The following CXCL13 variants were observed in gnomAD, a reference collection of about 807,000 sequenced individuals.
CXCL13 encodes C-X-C motif chemokine ligand 13.
Under a neutral mutation model 12.2 loss-of-function variants are expected in CXCL13, and 7 were observed. The observed-to-expected ratio is 0.57, with a 90% CI of 0.33 to 1.07. The LOEUF is 1.07. Ranked by LOEUF, CXCL13 falls within the 50% of genes least tolerant of loss-of-function variation. The pLI is 0.04. For synonymous variants in CXCL13, 47 were observed against 42.4 expected (o/e 1.11, Z -0.42); for missense variants, 113 against 127.4 (o/e 0.89, Z 0.55).
At chr4:77,549,624 AG>A in intron 1 of CXCL13, among the ~76,000 whole-genome samples, 1 of 152,272 alleles carries the variant, frequency 6.6e-6, no homozygotes, top group South Asian at 2.1e-4. Flanking sequence ...AGTTTGCTGG[AG>A]GTCCACTTGA....
At chr4:77,561,337 G>A (rs562896865) in intron 1 of CXCL13, among the ~76,000 whole-genome samples, 2 of 152,274 alleles carry the variant, frequency 1.3e-5, no homozygotes, top group East Asian at 3.9e-4. Context: ...CAATATTTAA[G>A]TTTGAGAAGT....
At chr4:77,584,500 T>C (rs1463670398) in intron 1 of CXCL13, among the ~76,000 whole-genome samples, 1 of 152,230 alleles carries the variant, frequency 6.6e-6, no homozygotes, top group Non-Finnish European at 1.5e-5. Flanking sequence ...GAAAATAATC[T>C]CAACATTTGA....
chr4:77,606,343 C>T (rs747527125), intron 1 of CXCL13, among the ~76,000 whole-genome samples: 21 of 152,154 alleles, frequency 1.4e-4, no homozygotes, highest in Non-Finnish European at 2.6e-4. Flanking sequence ...TCATGTAACT[C>T]CAAATGGTTA....
chr4:77,533,388 T>C (rs923354035), intron 1 of CXCL13, among the ~76,000 whole-genome samples: 1 of 152,190 alleles, frequency 6.6e-6, no homozygotes, highest in African/African-American at 2.4e-5. Context: ...TGATCGTTCC[T>C]CTGGAAGTTT....
Position 77,611,157 on chromosome 4 carries a change from A to G in CXCL13, c.*118A>G, listed in dbSNP as rs1727143568. ...GAACTTCCCCATACAAATAAGCATG[A>G]GACTATGTAAAAATAACCTTGCAGA... On this transcript the variant is annotated 3_prime_UTR_variant, in exon 4 of 4. Transcript: ENST00000682537. 7 of 850,914 alleles carry G rather than the reference A, an allele frequency of 8.2e-6. No homozygotes were observed. The highest frequency in any genetic ancestry group is 1.1e-5 in the Non-Finnish European group (6 of 540,970). 52.7% of individuals were successfully genotyped at this position (850,914 alleles called of 1,614,324 possible).
Position 77,609,175 on chromosome 4 carries a change from T to G in CXCL13, c.197+1340T>G, listed in dbSNP as rs146015435. On this transcript the variant is annotated intron_variant, in intron 2 of 3. Coordinates refer to ENST00000682537, the MANE Select transcript of CXCL13 (RefSeq NM_001371558.1). ...TCTATCTGAAAACCCAACTGCTCCA[T>G]GTCCTGTGACCTCTCTAAGATTTAC... 7.4e-4 allele frequency among the ~76,000 whole-genome samples: 112 copies of G among 152,352 alleles called. No homozygotes were observed. In the East Asian group the frequency reaches 0.02, roughly 27 times the overall value.
intron 1 of CXCL13, among the ~76,000 whole-genome samples, chr4:77,541,680 G>T (rs1208237590): frequency 6.6e-6 from 1 of 152,116 alleles, no homozygotes; most frequent in African/African-American, 2.4e-5. Context: ...GCTTAGGATT[G>T]CTTTGGCAAT....
chr4:77,557,088 C>G (rs1291693929), intron 1 of CXCL13, among the ~76,000 whole-genome samples: 1 of 151,894 alleles, frequency 6.6e-6, no homozygotes, highest in Non-Finnish European at 1.5e-5. Context: ...AAGGAAGAAA[C>G]AAAACAAACA....
Position 77,545,013 on chromosome 4 carries a change from C to T in CXCL13, c.-43+33225C>T, listed in dbSNP as rs978529535. On this transcript the variant is annotated intron_variant, in intron 1 of 4. Coordinates refer to the CXCL13 transcript ENST00000286758. ...ATTTATTAAATAGGGAATCCTTTCC[C>T]CATTTCTTGTTTTTGTCAGATTTGT... Among the ~76,000 whole-genome samples, 16 of 152,176 alleles carry T rather than the reference C, an allele frequency of 1.1e-4. No homozygotes were observed. In the East Asian group the frequency reaches 2.1e-3, roughly 20 times the overall value.
At chr4:77,589,521 A>G (rs1726557088) in intron 1 of CXCL13, among the ~76,000 whole-genome samples, 1 of 148,716 alleles carries the variant, frequency 6.7e-6, no homozygotes, top group Admixed American at 6.7e-5. Flanking sequence ...TAATTTATAC[A>G]TTAAACTTTA....
chr4:77,553,912 A>G (rs1353696413), intron 1 of CXCL13, among the ~76,000 whole-genome samples: 3 of 152,202 alleles, frequency 2.0e-5, no homozygotes, highest in Non-Finnish European at 4.4e-5. Flanking sequence ...AGCGTATTGT[A>G]TTTGGGATTT....
At chr4:77,561,208 C>T (rs558432437) in intron 1 of CXCL13, among the ~76,000 whole-genome samples, 8 of 152,172 alleles carry the variant, frequency 5.3e-5, no homozygotes, top group African/African-American at 1.9e-4. Flanking sequence ...AAAGTGTGGT[C>T]CATGGACCAG....
intron 2 of CXCL13, among the ~76,000 whole-genome samples, chr4:77,609,306 T>TTTTGTTTTG (rs1560539540): frequency 1.3e-5 from 2 of 151,056 alleles, no homozygotes; most frequent in African/African-American, 2.4e-5. Context: ...TTGGGTTTTT[T>TTTTGTTTTG]TTTTGTTTTG....
intron 1 of CXCL13, among the ~76,000 whole-genome samples, chr4:77,557,232 G>T (rs147346566): frequency 2.6e-5 from 4 of 152,294 alleles, no homozygotes; most frequent in African/African-American, 4.8e-5. Context: ...CCACAACGAT[G>T]TTTCAGGTCT....
At chr4:77,557,929 T>G (rs772343451) in intron 1 of CXCL13, among the ~76,000 whole-genome samples, 5 of 152,232 alleles carry the variant, frequency 3.3e-5, no homozygotes, top group Non-Finnish European at 7.3e-5. Context: ...GGTATTTACC[T>G]TACTGAGTGT....
At position 77,580,308 on chromosome 4, in the gene CXCL13, CTTTTTTTTTTTTTTTTT is replaced by C. The variant is rs1015001550; in HGVS notation, c.-42-25495_-42-25479del. Reference sequence around the variant, plus strand: ...TTTTTTAAAAAGACAAGTTTTCTTTCTTTTTTTTTTTTTTTTTTTTTTTTTTTTTTTTTTTTTGAGAT... The same window carrying C: ...TTTTTTAAAAAGACAAGTTTTCTTTCTTTTTTTTTTTTTTTTTTTTGAGAT... On this transcript the variant is annotated intron_variant, in intron 1 of 4. Coordinates refer to the CXCL13 transcript ENST00000286758. 9.6e-3 allele frequency among the ~76,000 whole-genome samples: 170 copies of C among 17,622 alleles called. 1 individual carries two copies. Among genetic ancestry groups the C allele is most frequent in the Middle Eastern group, 0.12 (2 of 16 alleles). The allele number at this position is 17,622 out of a possible 152,430, so 11.6% of individuals were successfully genotyped here.
At chr4:77,571,007 G>A (rs897638649) in intron 1 of CXCL13, among the ~76,000 whole-genome samples, 10 of 151,994 alleles carry the variant, frequency 6.6e-5, no homozygotes, top group Non-Finnish European at 1.3e-4. Context: ...CCTGCTCCAC[G>A]GTGCCCAGTC....
intron 1 of CXCL13, among the ~76,000 whole-genome samples, chr4:77,594,928 AT>A (rs1247663167): frequency 6.6e-6 from 1 of 152,194 alleles, no homozygotes; most frequent in Non-Finnish European, 1.5e-5. Context: ...ATTTTAAAAA[AT>A]AATAAAAATT....
chr4:77,552,835 G>T (rs1479534390), intron 1 of CXCL13, among the ~76,000 whole-genome samples: 2 of 152,198 alleles, frequency 1.3e-5, no homozygotes, highest in Non-Finnish European at 1.5e-5. Context: ...AAACAGAGAG[G>T]GTCCCACTGC....
Sources: allele counts gnomAD v4.1 joint callset (sites outside exome capture counted in the v4.1 genomes callset), GRCh38; gene constraint gnomAD v4.1.1; transcripts MANE v1.5; gene names NCBI Gene and HGNC (gene_info 2026-07-23, HGNC 2026-07-21).